Variants in LDLRAD4 observed in about 807,000 individuals in gnomAD.
LDLRAD4 encodes low-density lipoprotein receptor class A domain-containing protein 4.
Under a neutral mutation model 17.0 loss-of-function variants are expected in LDLRAD4, and 5 were observed. That is an observed-to-expected ratio of 0.29 (90% CI 0.15 to 0.62). LDLRAD4 has a LOEUF of 0.62. LDLRAD4 is among the 20% of genes least tolerant of loss of function. The probability of loss-of-function intolerance (pLI) is 0.84; values close to 1 mark genes in which losing one functional copy is unlikely to be tolerated. For synonymous variants in LDLRAD4, 168 were observed against 171.8 expected (o/e 0.98, Z 0.17); for missense variants, 340 against 424.7 (o/e 0.80, Z 1.75).
chr18:13,401,416 C>T (rs1261459192), intron 2 of LDLRAD4, among the ~76,000 whole-genome samples: 1 of 151,142 alleles, frequency 6.6e-6, no homozygotes, highest in African/African-American at 2.4e-5. Context: ...TGAGTTTCAC[C>T]ACAGTAGAAG....
At chr18:13,293,073 G>A (rs749841202) in intron 1 of LDLRAD4, among the ~76,000 whole-genome samples, 8 of 152,242 alleles carry the variant, frequency 5.3e-5, no homozygotes, top group Non-Finnish European at 1.2e-4. Flanking sequence ...AAAGGTGGAT[G>A]CATGCTGAAA....
intron 3 of LDLRAD4, among the ~76,000 whole-genome samples, chr18:13,599,390 A>C (rs1344738271): frequency 1.3e-5 from 2 of 152,192 alleles, no homozygotes; most frequent in Non-Finnish European, 2.9e-5. Flanking sequence ...CAGAGACTCA[A>C]AATGGTTACT....
intron 3 of LDLRAD4, chr18:13,521,197 G>A (rs561406447): frequency 1.3e-5 from 2 of 152,300 alleles, no homozygotes; most frequent in African/African-American, 2.4e-5. Context: ...ACTCTTGATC[G>A]CTGGCACTCG....
At chr18:13,513,087 C>G (rs948742426) in intron 3 of LDLRAD4, among the ~76,000 whole-genome samples, 11 of 152,220 alleles carry the variant, frequency 7.2e-5, no homozygotes, top group African/African-American at 2.7e-4. Flanking sequence ...AGAACAGGGT[C>G]TTGCACATTA....
chr18:13,325,631 C>A (rs886471322), intron 1 of LDLRAD4, among the ~76,000 whole-genome samples: 2 of 152,254 alleles, frequency 1.3e-5, no homozygotes, highest in Admixed American at 1.3e-4. Context: ...CGCTGAAGGC[C>A]CTTTCCAGGC....
intron 3 of LDLRAD4, among the ~76,000 whole-genome samples, chr18:13,534,848 C>T (rs1230614284): frequency 6.6e-6 from 1 of 152,212 alleles, no homozygotes; most frequent in East Asian, 1.9e-4. Flanking sequence ...CCAGTCCCGA[C>T]CCCAGGCTCC....
At chr18:13,495,864 G>A (rs2093457992) in intron 3 of LDLRAD4, among the ~76,000 whole-genome samples, 1 of 152,182 alleles carries the variant, frequency 6.6e-6, no homozygotes, top group Non-Finnish European at 1.5e-5. Context: ...CAGAGAGCGC[G>A]AAGACCTCCA....
intron 1 of LDLRAD4, among the ~76,000 whole-genome samples, chr18:13,307,133 T>C (rs1196985574): frequency 1.3e-5 from 2 of 152,148 alleles, no homozygotes; most frequent in African/African-American, 4.8e-5. Context: ...ATTGGTGCTG[T>C]TTAGAAACAC....
At chr18:13,416,699 G>A (rs2088930325) in intron 2 of LDLRAD4, among the ~76,000 whole-genome samples, 1 of 152,078 alleles carries the variant, frequency 6.6e-6, no homozygotes. Context: ...TTTGCTATTT[G>A]CAAAAATGTT....
At chr18:13,305,328 ACTG>A (rs1238524881) in intron 1 of LDLRAD4, among the ~76,000 whole-genome samples, 1 of 152,230 alleles carries the variant, frequency 6.6e-6, no homozygotes, top group African/African-American at 2.4e-5. Flanking sequence ...CATAAAATTA[ACTG>A]TAGTCCATTG....
At chr18:13,484,368 T>C (rs1287931913) in intron 3 of LDLRAD4, among the ~76,000 whole-genome samples, 1 of 152,228 alleles carries the variant, frequency 6.6e-6, no homozygotes, top group African/African-American at 2.4e-5. Flanking sequence ...GGCTTGCGCC[T>C]GAGGCAGACG....
At position 13,375,411 on chromosome 18, in the gene LDLRAD4, G is replaced by A. The variant is rs79563603; in HGVS notation, c.-382-11930G>A. ...ACATGTTTTTATTCAAAGGAAGTGA[G>A]GAGATGAGTCATTTCGATAGGAGTG... On this transcript the variant is annotated intron_variant, in intron 1 of 5. Transcript: ENST00000359446. 8.4e-3 allele frequency among the ~76,000 whole-genome samples: 1,274 copies of A among 152,274 alleles called. 39 individuals are homozygous for A. Among genetic ancestry groups the A allele is most frequent in the East Asian group, 0.072 (374 of 5,174 alleles).
chr18:13,361,887 G>A (rs553673210), intron 1 of LDLRAD4, among the ~76,000 whole-genome samples: 1 of 152,214 alleles, frequency 6.6e-6, no homozygotes, highest in South Asian at 2.1e-4. Context: ...TTTGCAATGG[G>A]GTTTGACACA....
At chr18:13,223,189 C>G (rs1443694998) in intron 1 of LDLRAD4, among the ~76,000 whole-genome samples, 1 of 152,108 alleles carries the variant, frequency 6.6e-6, no homozygotes, top group East Asian at 1.9e-4. Flanking sequence ...GACTTGGGGA[C>G]TGGACGACTG....
intron 3 of LDLRAD4, among the ~76,000 whole-genome samples, chr18:13,569,793 G>C (rs2094659846): frequency 6.6e-6 from 1 of 152,230 alleles, no homozygotes; most frequent in East Asian, 1.9e-4. Flanking sequence ...GCTGAGGCAG[G>C]AGAATCGCTT....
chr18:13,361,938 A>G (rs1356471291), intron 1 of LDLRAD4, among the ~76,000 whole-genome samples: 2 of 152,034 alleles, frequency 1.3e-5, no homozygotes, highest in African/African-American at 4.8e-5. Context: ...ATAGGAGCGT[A>G]CTTGACATAG....
At chr18:13,355,091 A>G (rs1438215392) in intron 1 of LDLRAD4, among the ~76,000 whole-genome samples, 3 of 152,244 alleles carry the variant, frequency 2.0e-5, no homozygotes, top group African/African-American at 7.2e-5. Context: ...TTGTTGGACT[A>G]TTACACTGTG....
intron 1 of LDLRAD4, among the ~76,000 whole-genome samples, chr18:13,304,896 C>T (rs1165917328): frequency 6.6e-6 from 1 of 152,182 alleles, no homozygotes; most frequent in Non-Finnish European, 1.5e-5. Context: ...ACTCAGCCTG[C>T]ATGCGTCAGC....
chr18:13,578,440 G>A (rs1362802250), intron 3 of LDLRAD4, among the ~76,000 whole-genome samples: 7 of 152,334 alleles, frequency 4.6e-5, no homozygotes, highest in Middle Eastern at 3.4e-3. Flanking sequence ...TCCCTGGCCA[G>A]CACATCATCA....
Sources: allele counts gnomAD v4.1 joint callset (sites outside exome capture counted in the v4.1 genomes callset), GRCh38; gene constraint gnomAD v4.1.1; transcripts MANE v1.5; gene names NCBI Gene and HGNC (gene_info 2026-07-23, HGNC 2026-07-21).